ANHX: variants seen among roughly 807,000 people sequenced by gnomAD.
ANHX encodes the protein anomalous homeobox protein.
In ANHX, 20 loss-of-function variants were observed where a neutral mutation model predicts 38.9. The observed-to-expected ratio is 0.51, with a 90% CI of 0.36 to 0.75. The LOEUF (loss-of-function observed/expected upper bound fraction) is 0.75, where lower values mean the gene tolerates loss of function less well. Ranked by LOEUF, ANHX falls within the 30% of genes least tolerant of loss-of-function variation. The pLI is 0.00. For synonymous variants in ANHX, 185 were observed against 203.1 expected (o/e 0.91, Z 0.76); for missense variants, 475 against 493.1 (o/e 0.96, Z 0.35).
chr12:133,223,189 C>CAA (rs762366877), intron 7 of ANHX, among the ~76,000 whole-genome samples: 3,038 of 148,438 alleles, frequency 0.02, 109 homozygotes, highest in African/African-American at 0.073. Flanking sequence ...AACTCCGCCT[C>CAA]AAAAAAAAAT....
intron 9 of ANHX, 22 bp from the exon 10 acceptor site, chr12:133,218,993 A>T: frequency 6.6e-7 from 1 of 1,519,590 alleles, no homozygotes; most frequent in South Asian, 1.2e-5. Context: ...CACAGTGGTA[A>T]ACACAGAGGC....
At chr12:133,223,660 A>G (rs1162674777) in intron 7 of ANHX, among the ~76,000 whole-genome samples, 2 of 151,946 alleles carry the variant, frequency 1.3e-5, no homozygotes, top group Non-Finnish European at 2.9e-5. Context: ...ATTGGCCAGG[A>G]TGGTCTTGAT....
chr12:133,235,074 C>T (rs145594374), intron 1 of ANHX: 6 of 151,092 alleles, frequency 4.0e-5, no homozygotes, highest in Non-Finnish European at 5.9e-5. Context: ...GGGGTTCTTT[C>T]TGCCGTGCGC....
chr12:133,227,852 A>G lies in ANHX; in HGVS notation c.473T>C (p.Val158Ala). ...REKLHNFAVG[V>A]NTNPSKAERE... The stretch of plus-strand genomic sequence containing the variant: ...CTCAGCCTTGCTGGGGTTGGTGTTC[A>G]CCCCCACAGCGAAATTGTGCAGCTT... Residue 158 changes from valine (V) to alanine (A), a missense_variant, in exon 4 of 10, where the codon GTG becomes GCG. Transcript: ENST00000545940. 6.8e-7 allele frequency: 1 copy of G among 1,470,056 alleles called. No homozygotes were observed. The highest frequency in any genetic ancestry group is 9.0e-7 in the Non-Finnish European group (1 of 1,107,222). The allele number at this position is 1,470,056 out of a possible 1,614,324, so 91.1% of individuals were successfully genotyped here. A position where few individuals can be genotyped will look rare whatever the true frequency, so the allele number is the denominator to read the frequency against.
rs979028697 is a variant in ANHX at position 133,225,690 on chromosome 12, T to C, written c.978A>G (p.Glu326=). Among the ~76,000 whole-genome samples the C allele has an allele frequency of 3.9e-5, 6 of 152,184 alleles. No individual in the cohort carries two copies. Among genetic ancestry groups the C allele is most frequent in the Non-Finnish European group, 8.8e-5 (6 of 68,022 alleles). Residue 326 remains glutamate (E), a synonymous_variant, in exon 7 of 10, where the codon GAA becomes GAG. Transcript: ENST00000545940. ...DMLNPSLAAP[E]SWLMSLALAS... is the part of the protein sequence containing the mutation. Reference sequence around the variant, plus strand: ...CCAGTGCAAGAGACATCAGCCAAGATTCAGGGGCAGCCAGAGAGGGGTTCA... The same window carrying C: ...CCAGTGCAAGAGACATCAGCCAAGACTCAGGGGCAGCCAGAGAGGGGTTCA...
chr12:133,232,315 T>TGACGGAGGATGCCTGGTGC (rs1555308179), intron 2 of ANHX, among the ~76,000 whole-genome samples: 6 of 152,120 alleles, frequency 3.9e-5, no homozygotes, highest in Non-Finnish European at 4.4e-5. Context: ...ATTTCCTTAA[T>TGACGGAGGATGCCTGGTGC]TCCAATCATC....
intron 4 of ANHX, 58 bp downstream of exon 4, chr12:133,227,766 G>A: frequency 1.3e-6 from 2 of 1,526,366 alleles, no homozygotes; most frequent in South Asian, 2.4e-5. Context: ...GTACCCCTTG[G>A]GGGACAGGGA....
intron 9 of ANHX, 148 bp downstream of exon 9, chr12:133,219,135 A>T (rs1957074155): frequency 6.1e-6 from 6 of 985,730 alleles, no homozygotes; most frequent in Non-Finnish European, 9.1e-6. Context: ...CCAGTCCAGT[A>T]ATGTCCAGCC....
At position 133,221,380 on chromosome 12, in the gene ANHX, C is replaced by T; in HGVS notation, c.1133-28G>A. 1.3e-6 allele frequency: 2 copies of T among 1,524,374 alleles called. No individual in the cohort carries two copies. Among genetic ancestry groups the T allele is most frequent in the Non-Finnish European group, 1.8e-6 (2 of 1,140,538 alleles). The allele number at this position is 1,524,374 out of a possible 1,614,324, so 94.4% of individuals were successfully genotyped here. A position where few individuals can be genotyped will look rare whatever the true frequency, so the allele number is the denominator to read the frequency against. ...GCATGTAATGAGATTCCACGGCACA[C>T]TGGCAGGAGAAAGGAGCAGAGCCCA... is the stretch of plus-strand genomic sequence containing the variant. On this transcript the variant is annotated intron_variant, in intron 7 of 9. Coordinates refer to ENST00000545940, the MANE Select transcript of ANHX (RefSeq NM_001372060.1). This position sits in a 1 kb window ranked among gnomAD's most constrained non-coding sequence, Gnocchi z 4.1.
At chr12:133,224,214 A>C (rs1944744336) in intron 7 of ANHX, among the ~76,000 whole-genome samples, 2 of 152,152 alleles carry the variant, frequency 1.3e-5, no homozygotes, top group Admixed American at 1.3e-4. Context: ...GGCCCCCAAC[A>C]GTGAGTTTTC....
chr12:133,225,047 A>C (rs1268601458), intron 7 of ANHX, among the ~76,000 whole-genome samples: 1 of 152,126 alleles, frequency 6.6e-6, no homozygotes, highest in Non-Finnish European at 1.5e-5. Flanking sequence ...CAAAGTGAGA[A>C]GTCTCATGAT....
chr12:133,219,949 G>A (rs1015086085), intron 8 of ANHX, among the ~76,000 whole-genome samples: 3 of 152,178 alleles, frequency 2.0e-5, no homozygotes, highest in African/African-American at 7.2e-5. Context: ...AAAACATGGT[G>A]ACTCTCAAAG....
chr12:133,226,614 G>T (rs1340137014), intron 5 of ANHX, among the ~76,000 whole-genome samples, 176 bp from the exon 6 acceptor site: 3 of 152,172 alleles, frequency 2.0e-5, no homozygotes, highest in Admixed American at 6.5e-5. Context: ...TGCCAACCCA[G>T]GACACCCCAA....
intron 7 of ANHX, among the ~76,000 whole-genome samples, chr12:133,223,892 A>G (rs1424632775): frequency 2.6e-5 from 4 of 152,188 alleles, no homozygotes; most frequent in Non-Finnish European, 1.5e-5. Flanking sequence ...GCTCCAAAAA[A>G]TTATGAGGGG....
intron 2 of ANHX, 120 bp downstream of exon 2, chr12:133,233,988 G>A (rs1957324669): frequency 4.6e-6 from 6 of 1,303,654 alleles, no homozygotes; most frequent in Non-Finnish European, 5.1e-6. Flanking sequence ...CTGGGGGTGG[G>A]CCTCTGGCCA....
At chr12:133,227,554 C>T (rs1460603568) in intron 4 of ANHX, among the ~76,000 whole-genome samples, 6 of 152,262 alleles carry the variant, frequency 3.9e-5, no homozygotes, top group East Asian at 3.8e-4. Flanking sequence ...CTCGACCCAT[C>T]GTCCTGGTGC....
chr12:133,222,419 AG>A (rs1957121524), intron 7 of ANHX, among the ~76,000 whole-genome samples: 1 of 152,164 alleles, frequency 6.6e-6, no homozygotes, highest in Non-Finnish European at 1.5e-5. Context: ...AGGCAGCAGC[AG>A]GGAACCCGAA....
intron 9 of ANHX, 90 bp from the exon 10 acceptor site, chr12:133,219,061 A>T (rs1190056559): frequency 8.3e-7 from 1 of 1,210,902 alleles, no homozygotes; most frequent in African/African-American, 1.5e-5. Context: ...CCTTGGGAAG[A>T]CCCCCCGCAA....
At chr12:133,224,432 C>A (rs532955528) in intron 7 of ANHX, among the ~76,000 whole-genome samples, 1 of 151,516 alleles carries the variant, frequency 6.6e-6, no homozygotes, top group East Asian at 1.9e-4. Context: ...GAGGCTGAGG[C>A]GGGTGGATCC....
Sources: gnomAD v4.1 joint callset for allele counts (sites outside exome capture counted in the v4.1 genomes callset) on GRCh38, gnomAD v4.1.1 for gene constraint, Gnocchi (gnomAD v3.1) non-coding constraint, MANE v1.5 for transcripts, NCBI Gene and HGNC (gene_info 2026-07-23, HGNC 2026-07-21) for gene names.